SULF2: variants seen among roughly 807,000 people sequenced by gnomAD.
SULF2 encodes the protein sulfatase 2.
In SULF2, 52 loss-of-function variants were observed where a neutral mutation model predicts 107.7. The observed-to-expected ratio is 0.48, with a 90% CI of 0.39 to 0.61. The LOEUF is 0.61. SULF2 is among the 20% of genes least tolerant of loss of function. The pLI, the probability that SULF2 is intolerant of heterozygous loss-of-function variation, is 0.00. For missense variants in SULF2, 993 were observed against 1,177.3 expected, an observed-to-expected ratio of 0.84 and a Z score of 2.29; for synonymous variants, 460 against 464.3, an observed-to-expected ratio of 0.99 and a Z score of 0.12.
chr20:47,718,459 T>C (rs150257003), intron 3 of SULF2, among the ~76,000 whole-genome samples: 86 of 152,040 alleles, frequency 5.7e-4, no homozygotes, highest in African/African-American at 1.9e-3. Context: ...CAGAAAAAAT[T>C]AAAGCAGCAA....
chr20:47,702,050 T>C (rs1186695451), intron 4 of SULF2, among the ~76,000 whole-genome samples: 4 of 152,182 alleles, frequency 2.6e-5, no homozygotes, highest in Non-Finnish European at 4.4e-5. Flanking sequence ...TTTTGAGAAA[T>C]GAATACATTT....
At chr20:47,663,835 G>A (rs1602581677) in intron 15 of SULF2, among the ~76,000 whole-genome samples, 1 of 152,210 alleles carries the variant, frequency 6.6e-6, no homozygotes, top group Non-Finnish European at 1.5e-5. Context: ...TCCCAAGGGG[G>A]CACAAGCTGG....
chr20:47,705,261 C>T (rs532222725), intron 3 of SULF2, among the ~76,000 whole-genome samples: 3 of 152,184 alleles, frequency 2.0e-5, no homozygotes, highest in Middle Eastern at 3.4e-3. Flanking sequence ...GGGTAAGGTC[C>T]GGGATGGAAC....
Position 47,658,097 on chromosome 20 carries a change from CT to C in SULF2, c.*264del. 3.8e-6 allele frequency: 2 copies of C among 521,022 alleles called. No individual in the cohort carries two copies. The highest frequency in any genetic ancestry group is 6.9e-6 in the Non-Finnish European group (2 of 291,948). The allele number at this position is 521,022 out of a possible 1,614,324, so 32.3% of individuals were successfully genotyped here. On this transcript the variant is annotated 3_prime_UTR_variant, in exon 21 of 21. Coordinates refer to ENST00000688720, the MANE Select transcript of SULF2 (RefSeq NM_001387048.1). ...GCTTCTGGGGGAGGGTTAGTGGTGA[CT>C]TTTTGATACGAAAAAATGCATTTTG...
At chr20:47,684,722 G>C in intron 5 of SULF2, 141 bp from the exon 6 acceptor site, 1 of 748,408 alleles carries the variant, frequency 1.3e-6, no homozygotes, top group South Asian at 1.9e-5. Context: ...TGGTGGGAAA[G>C]GGGACATTGG....
At position 47,666,798 on chromosome 20, in the gene SULF2, G is replaced by T. The variant is rs1453098950; in HGVS notation, c.1577-310C>A. On this transcript the variant is annotated intron_variant, in intron 11 of 20. Transcript: ENST00000688720. This position sits in a 1 kb window ranked among gnomAD's most constrained non-coding sequence, Gnocchi z 5.4. ...ACATCATCTGTACAACGGAATATGC[G>T]ACCAGAACCAGGAGCGAGGTTCTGA... is the stretch of plus-strand genomic sequence containing the variant. Among the ~76,000 whole-genome samples, 1 of 152,230 alleles carries T rather than the reference G, an allele frequency of 6.6e-6. No homozygotes were observed. The highest frequency in any genetic ancestry group is 2.4e-5 in the African/African-American group (1 of 41,464).
intron 1 of SULF2, among the ~76,000 whole-genome samples, chr20:47,773,445 C>T (rs1383674048): frequency 6.6e-6 from 1 of 152,238 alleles, no homozygotes; most frequent in African/African-American, 2.4e-5. Context: ...AGTGCAAAGG[C>T]CCTGGGGTGG....
intron 3 of SULF2, among the ~76,000 whole-genome samples, chr20:47,722,595 C>G (rs992971779): frequency 6.6e-6 from 1 of 152,104 alleles, no homozygotes; most frequent in African/African-American, 2.4e-5. Flanking sequence ...CCAATACCTG[C>G]CTGGTGCTAT....
At chr20:47,759,744 G>A (rs2090376916) in intron 1 of SULF2, among the ~76,000 whole-genome samples, 2 of 152,196 alleles carry the variant, frequency 1.3e-5, no homozygotes, top group African/African-American at 4.8e-5. Flanking sequence ...GGCTCTTTCT[G>A]TCAAAAGAAC....
chr20:47,731,564 G>A (rs1488735683), intron 3 of SULF2, among the ~76,000 whole-genome samples: 3 of 152,118 alleles, frequency 2.0e-5, no homozygotes, highest in African/African-American at 7.2e-5. Context: ...TGGATCTAAA[G>A]GGAATCTATT....
intron 5 of SULF2, among the ~76,000 whole-genome samples, chr20:47,689,087 G>A (rs1220880495): frequency 6.6e-6 from 1 of 152,126 alleles, no homozygotes; most frequent in African/African-American, 2.4e-5. Flanking sequence ...GTGGGGGGCT[G>A]GACTTGAATC....
chr20:47,684,870 A>G (rs2146514293), intron 5 of SULF2: 2 of 300,382 alleles, frequency 6.7e-6, no homozygotes, highest in East Asian at 1.3e-4. Flanking sequence ...CGGCTCTCTC[A>G]GGGCAAAGTC....
chr20:47,727,676 G>A (rs1451070702), intron 3 of SULF2, among the ~76,000 whole-genome samples: 4 of 152,160 alleles, frequency 2.6e-5, no homozygotes, highest in Non-Finnish European at 5.9e-5. Flanking sequence ...TCCTGGGTTT[G>A]TGGGCACAGG....
chr20:47,776,905 C>G lies in SULF2; in HGVS notation c.-101+8438G>C, dbSNP rs77164891. Among the ~76,000 whole-genome samples, 867 of 152,346 alleles carry G rather than the reference C, an allele frequency of 5.7e-3. 5 individuals carry two copies. The highest frequency in any genetic ancestry group is 0.019 in the African/African-American group (781 of 41,576). Reference sequence around the variant, plus strand: ...TTGACATCCTTGCCCTGAGCAGTCACCTTCGAGCAAACATGCTAGCCAGAT... The same window carrying G: ...TTGACATCCTTGCCCTGAGCAGTCAGCTTCGAGCAAACATGCTAGCCAGAT... On this transcript the variant is annotated intron_variant, in intron 1 of 20. Coordinates refer to ENST00000688720, the MANE Select transcript of SULF2 (RefSeq NM_001387048.1).
intron 20 of SULF2, 24 bp from the exon 21 acceptor site, chr20:47,658,416 T>G: frequency 2.5e-6 from 4 of 1,613,628 alleles, no homozygotes; most frequent in Non-Finnish European, 3.4e-6. Flanking sequence ...CAAACTCATC[T>G]TAGCACTTAG....
chr20:47,694,183 G>T lies in SULF2; in HGVS notation c.568-3888C>A, dbSNP rs1488291025. Among the ~76,000 whole-genome samples, 1 of 152,206 alleles carries T rather than the reference G, an allele frequency of 6.6e-6. No individual in the cohort carries two copies. Among genetic ancestry groups the T allele is most frequent in the Non-Finnish European group, 1.5e-5 (1 of 68,028 alleles). On this transcript the variant is annotated intron_variant, in intron 4 of 20. Coordinates refer to ENST00000688720, the MANE Select transcript of SULF2 (RefSeq NM_001387048.1). The surrounding 1 kb of genome is among the most constrained non-coding windows in gnomAD (Gnocchi z 4.4). ...CCATCCCTCCGGCCACAGGGCTTCA[G>T]CCATGCCCTGTTCTCTCTGAGGGAG...
intron 4 of SULF2, among the ~76,000 whole-genome samples, chr20:47,695,494 C>T (rs2088344693): frequency 6.6e-6 from 1 of 152,204 alleles, no homozygotes; most frequent in Non-Finnish European, 1.5e-5. Flanking sequence ...CTGCTATTGT[C>T]TGACTAATTT....
chr20:47,663,998 C>G (rs751428442), intron 15 of SULF2, 132 bp downstream of exon 15: 4 of 969,926 alleles, frequency 4.1e-6, no homozygotes, highest in Non-Finnish European at 6.1e-6. Context: ...AAGGCCTCTT[C>G]GAGGGCTACC....
intron 20 of SULF2, 75 bp from the exon 21 acceptor site, chr20:47,658,467 G>A: frequency 1.4e-6 from 2 of 1,466,674 alleles, no homozygotes; most frequent in Non-Finnish European, 1.9e-6. Context: ...CGGTCCTATA[G>A]CTGAGGAAGC....
Sources: allele counts gnomAD v4.1 joint callset (sites outside exome capture counted in the v4.1 genomes callset), GRCh38; gene constraint gnomAD v4.1.1; non-coding constraint Gnocchi (gnomAD v3.1); transcripts MANE v1.5; gene names NCBI Gene and HGNC (gene_info 2026-07-23, HGNC 2026-07-21).